The following ENOSF1 variants were observed in gnomAD, a reference collection of about 807,000 sequenced individuals.
ENOSF1 encodes the protein mitochondrial enolase superfamily member 1.
A neutral mutation model predicts 68.2 loss-of-function variants in ENOSF1; 73 were observed. The ratio of observed to expected loss-of-function variants is 1.07; its 90% CI spans 0.89 to 1.30. ENOSF1 has a LOEUF of 1.30. Among genes scored for constraint, ENOSF1 ranks in the 50% most tolerant of loss-of-function variants. ENOSF1 has a pLI of 0.00. For missense variants in ENOSF1, 589 were observed against 554.5 expected, an observed-to-expected ratio of 1.06 and a Z score of -0.62; for synonymous variants, 223 against 210.4, an observed-to-expected ratio of 1.06 and a Z score of -0.52.
chr18:687,657 A>C (rs539836162), intron 9 of ENOSF1: 20 of 152,518 alleles, frequency 1.3e-4, no homozygotes, highest in African/African-American at 4.8e-4. Flanking sequence ...ATGCAGGGTC[A>C]TCAACCATCG....
downstream of ENOSF1, among the ~76,000 whole-genome samples, chr18:668,134 C>T (rs1484070473): frequency 2.6e-5 from 4 of 151,720 alleles, no homozygotes; most frequent in Non-Finnish European, 5.9e-5. Context: ...GCTAGTTTTA[C>T]GTGCACTTGT....
At chr18:667,992 AT>A (rs60409589), downstream of ENOSF1, among the ~76,000 whole-genome samples, 362 of 105,340 alleles carry the variant, frequency 3.4e-3, 5 homozygotes, top group Middle Eastern at 0.017. Flanking sequence ...ATTCACAGGA[AT>A]TTTTTTTTTT....
chr18:712,238 G>T, intron 1 of ENOSF1: 1 of 1,511,584 alleles, frequency 6.6e-7, no homozygotes, highest in Non-Finnish European at 8.9e-7. Context: ...AAAAGCGAGT[G>T]TCTCCCCCAG....
chr18:674,611 CA>C (rs1483593866), intron 15 of ENOSF1, among the ~76,000 whole-genome samples: 1 of 152,186 alleles, frequency 6.6e-6, no homozygotes, highest in Admixed American at 6.5e-5. Flanking sequence ...CTCCACCTCC[CA>C]GGTTCAAGTG....
At chr18:706,599 G>A (rs551204156) in intron 1 of ENOSF1, 21 bp from the exon 2 acceptor site, 116 of 1,570,930 alleles carry the variant, frequency 7.4e-5, no homozygotes, top group Non-Finnish European at 9.4e-5. Flanking sequence ...AGAGTTCCCC[G>A]CCGAAACAAT....
At chr18:701,743 C>A (rs972194524) in intron 2 of ENOSF1, among the ~76,000 whole-genome samples, 2 of 130,626 alleles carry the variant, frequency 1.5e-5, no homozygotes, top group African/African-American at 3.0e-5. Context: ...GGTGACAGAG[C>A]GAGACTCCAT....
intron 12 of ENOSF1, 73 bp from the exon 13 acceptor site, chr18:677,945 G>A (rs201461249): frequency 1.2e-5 from 18 of 1,518,432 alleles, no homozygotes; most frequent in South Asian, 1.1e-4. Context: ...ACCTGGCAAC[G>A]CAGCCACTCT....
intron 14 of ENOSF1, among the ~76,000 whole-genome samples, chr18:676,197 G>C (rs1340291176): frequency 6.6e-6 from 1 of 152,226 alleles, no homozygotes. Context: ...AAGTGACCGA[G>C]CTCTGCTGCC....
At position 674,171 on chromosome 18, in the gene ENOSF1, C is replaced by G; in HGVS notation, c.*134G>C. On this transcript the variant is annotated 3_prime_UTR_variant, in exon 16 of 16. Coordinates refer to ENST00000647584, the MANE Select transcript of ENOSF1 (RefSeq NM_017512.7). ...TCAAGTAATAATTACTTAGCTGATT[C>G]CTGAGGGTGGTATGACTTCTAGCTG... is the stretch of plus-strand genomic sequence containing the variant. 1 of 642,082 alleles carries G rather than the reference C, an allele frequency of 1.6e-6. No homozygotes were observed. The highest frequency in any genetic ancestry group is 2.8e-6 in the Non-Finnish European group (1 of 363,502). 39.8% of individuals were successfully genotyped at this position (642,082 alleles called of 1,614,324 possible). A position where few individuals can be genotyped will look rare whatever the true frequency, so the allele number is the denominator to read the frequency against.
rs1324505864 is a variant in ENOSF1 at position 685,913 on chromosome 18, A to G, written c.741+8T>C. ...TACTGCTTCTTAGTGGTGTGAGAGG[A>G]TATTTACCAAAGTCTTTTCCGGTCC... On this transcript the variant is annotated splice_region_variant and intron_variant, in intron 10 of 15. Transcript: ENST00000647584. 6.2e-7 allele frequency: 1 copy of G among 1,608,814 alleles called. No individual in the cohort carries two copies. Among genetic ancestry groups the G allele is most frequent in the Admixed American group, 1.7e-5 (1 of 59,998 alleles).
intron 8 of ENOSF1, 129 bp downstream of exon 8, chr18:690,420 G>T (rs749481062): frequency 6.0e-6 from 6 of 1,005,860 alleles, no homozygotes; most frequent in African/African-American, 1.6e-5. Flanking sequence ...ACTGGTTGGC[G>T]TGAGAAGGAA....
Position 712,609 on chromosome 18 carries a change from C to T in ENOSF1, c.-22G>A, listed in dbSNP as rs1378812093. 6 of 1,319,262 alleles carry T rather than the reference C, an allele frequency of 4.5e-6. No individual in the cohort carries two copies. The highest frequency in any genetic ancestry group is 5.9e-6 in the Non-Finnish European group (6 of 1,009,224). The allele number at this position is 1,319,262 out of a possible 1,614,324, so 81.7% of individuals were successfully genotyped here. A position where few individuals can be genotyped will look rare whatever the true frequency, so the allele number is the denominator to read the frequency against. ...CCATGGCCCCTGCGCCCCGTGGCCG[C>T]GGCCCCCGTGCGGTCAGGACTGGTC... is the stretch of plus-strand genomic sequence containing the variant. On this transcript the variant is annotated 5_prime_UTR_variant, in exon 1 of 16. Coordinates refer to ENST00000647584, the MANE Select transcript of ENOSF1 (RefSeq NM_017512.7).
At position 671,504 on chromosome 18, in the gene ENOSF1, T is replaced by C. The variant is rs966543243; in HGVS notation, c.*2801A>G. On this transcript the variant is annotated 3_prime_UTR_variant, in exon 16 of 16. Coordinates refer to ENST00000647584, the MANE Select transcript of ENOSF1 (RefSeq NM_017512.7). ...TTTGGTACCTTCTCTTGATAAAAGG[T>C]TGACTGTGGAACAGGCATCTGCTCA... 5.1e-6 allele frequency: 6 copies of C among 1,176,468 alleles called. No individual in the cohort carries two copies. The highest frequency in any genetic ancestry group is 4.5e-5 in the African/African-American group (3 of 66,138). 72.9% of individuals were successfully genotyped at this position (1,176,468 alleles called of 1,614,324 possible).
At position 671,681 on chromosome 18, in the gene ENOSF1, C is replaced by A; in HGVS notation, c.*2624G>T. On this transcript the variant is annotated 3_prime_UTR_variant, in exon 16 of 16. Coordinates refer to ENST00000647584, the MANE Select transcript of ENOSF1 (RefSeq NM_017512.7). ...TGCTGTGAGGTACTAAGCACCAGTA[C>A]CAGAGAGGGAAGAGCCACATTCAAG... The A allele has an allele frequency of 3.7e-6, 2 of 537,946 alleles. No homozygotes were observed. The highest frequency in any genetic ancestry group is 6.9e-5 in the East Asian group (2 of 29,146). The allele number at this position is 537,946 out of a possible 1,614,324, so 33.3% of individuals were successfully genotyped here. A position where few individuals can be genotyped will look rare whatever the true frequency, so the allele number is the denominator to read the frequency against.
At position 694,158 on chromosome 18, in the gene ENOSF1, C is replaced by T. The variant is rs1422809144; in HGVS notation, c.396+90G>A. 1.3e-5 allele frequency: 17 copies of T among 1,325,042 alleles called. No individual in the cohort carries two copies. In the East Asian group the frequency reaches 4.1e-4, roughly 32 times the overall value. 82.1% of individuals were successfully genotyped at this position (1,325,042 alleles called of 1,614,324 possible). ...AATTATCTGTATTTCCTTTTGGGGGCTGCAGTGTGTCTGTCTTTCCTCTGT... is the reference window on the plus strand; with the variant it reads ...AATTATCTGTATTTCCTTTTGGGGGTTGCAGTGTGTCTGTCTTTCCTCTGT... On this transcript the variant is annotated intron_variant, in intron 4 of 15. Transcript: ENST00000647584.
chr18:677,176 G>A (rs985056609), intron 14 of ENOSF1, among the ~76,000 whole-genome samples, 169 bp downstream of exon 14: 16 of 152,208 alleles, frequency 1.1e-4, no homozygotes, highest in Admixed American at 5.2e-4. Context: ...CAAAATGACC[G>A]TTCATTGGTG....
rs1336544100 is a variant in ENOSF1 at position 683,316 on chromosome 18, T to C, written c.806A>G (p.Lys269Arg). 10 of 1,614,036 alleles carry C rather than the reference T, an allele frequency of 6.2e-6. No homozygotes were observed. The highest frequency in any genetic ancestry group is 1.3e-5 in the African/African-American group (1 of 74,922). ...EAVEWMSKLA[K>R]FKPLWIEEPT... is the part of the protein sequence containing the mutation. ...CTCCTCAATCCACAATGGCTTGAAC[T>C]TGGCCAGCTTGGACATCCACTCCAC... Residue 269 changes from lysine (K) to arginine (R), a missense_variant, in exon 11 of 16, where the codon AAG becomes AGG. By Grantham distance (26) the Lys-to-Arg change is conservative. Transcript: ENST00000647584.
intron 8 of ENOSF1, 100 bp from the exon 9 acceptor site, chr18:688,708 G>T: frequency 9.5e-7 from 1 of 1,057,280 alleles, no homozygotes. Context: ...TACGGTTATA[G>T]CATAGACCAG....
rs751931801 is a variant in ENOSF1, at chr18:672,897, T to C, written c.*1408A>G. 2 of 1,597,758 alleles carry C rather than the reference T, an allele frequency of 1.3e-6. No homozygotes were observed. Among genetic ancestry groups the C allele is most frequent in the Non-Finnish European group, 1.7e-6 (2 of 1,167,094 alleles). ...CCCAGACCTTTCCCAAAGCTCAGGA[T>C]TCTTCGAAAAGTTGAGAAAATTGAT... On this transcript the variant is annotated 3_prime_UTR_variant, in exon 16 of 16. Transcript: ENST00000647584.
Sources: allele counts gnomAD v4.1 joint callset (sites outside exome capture counted in the v4.1 genomes callset), GRCh38; gene constraint gnomAD v4.1.1; transcripts MANE v1.5; gene names NCBI Gene and HGNC (gene_info 2026-07-23, HGNC 2026-07-21).